Variants in NRCAM observed in about 807,000 individuals in gnomAD.
NRCAM encodes NgCAM-related cell adhesion molecule.
Under a neutral mutation model 156.5 loss-of-function variants are expected in NRCAM, and 83 were observed. The ratio of observed to expected loss-of-function variants is 0.53; its 90% CI spans 0.44 to 0.64. The LOEUF is 0.64. Ranked by LOEUF, NRCAM falls within the 30% of genes least tolerant of loss-of-function variation. The probability of loss-of-function intolerance (pLI) is 0.00; values close to 1 mark genes in which losing one functional copy is unlikely to be tolerated. For missense variants in NRCAM, 1,417 were observed against 1,597.3 expected (o/e 0.89, Z 1.92); for synonymous variants, 538 against 563.9 (o/e 0.95, Z 0.65).
intron 2 of NRCAM, among the ~76,000 whole-genome samples, chr7:108,369,444 T>C (rs1443939825): frequency 3.3e-5 from 5 of 152,256 alleles, no homozygotes; most frequent in South Asian, 2.1e-4. Context: ...CTTTAAAACA[T>C]TTAATCACTT....
At chr7:108,170,782 C>T (rs1050592007) in intron 28 of NRCAM, among the ~76,000 whole-genome samples, 1 of 151,806 alleles carries the variant, frequency 6.6e-6, no homozygotes, top group African/African-American at 2.4e-5. Context: ...TCGGGGTTCA[C>T]ATGTGGAATC....
intron 3 of NRCAM, among the ~76,000 whole-genome samples, chr7:108,268,202 G>A (rs1450176513): frequency 6.6e-6 from 1 of 152,068 alleles, no homozygotes; most frequent in East Asian, 1.9e-4. Flanking sequence ...AAGTGTATTC[G>A]ATTTTGTAGA....
At chr7:108,426,741 T>C (rs1429037863) in intron 1 of NRCAM, among the ~76,000 whole-genome samples, 1 of 152,218 alleles carries the variant, frequency 6.6e-6, no homozygotes, top group Non-Finnish European at 1.5e-5. Context: ...ACTTTGGTAT[T>C]ATTTGTTGTT....
Position 108,278,466 on chromosome 7 carries a change from C to T in NRCAM, c.-107+34199G>A, listed in dbSNP as rs1205137330. On this transcript the variant is annotated intron_variant, in intron 3 of 32. Coordinates refer to ENST00000379028, the MANE Select transcript of NRCAM (RefSeq NM_001037132.4). ...CCAGCTACTCAAGCCTCAGCAACGG[C>T]GGACGCCCCTCCCCGCACCAAGCTC... is the stretch of plus-strand genomic sequence containing the variant. Among the ~76,000 whole-genome samples, 9 of 152,304 alleles carry T rather than the reference C, an allele frequency of 5.9e-5. No individual in the cohort carries two copies. In the South Asian group the frequency reaches 8.3e-4, roughly 14 times the overall value.
At chr7:108,317,920 A>AAG (rs1554503832) in intron 2 of NRCAM, among the ~76,000 whole-genome samples, 2 of 151,596 alleles carry the variant, frequency 1.3e-5, no homozygotes, top group East Asian at 1.9e-4. Context: ...GAAAAAAAAA[A>AAG]AAAGAAAGAA....
At chr7:108,318,219 G>T (rs1324640530) in intron 2 of NRCAM, among the ~76,000 whole-genome samples, 3 of 151,158 alleles carry the variant, frequency 2.0e-5, no homozygotes, top group Admixed American at 2.0e-4. Context: ...CTAATTTTTT[G>T]CATTTTTAGT....
chr7:108,269,821 C>T (rs1469083724), intron 3 of NRCAM, among the ~76,000 whole-genome samples: 3 of 152,142 alleles, frequency 2.0e-5, no homozygotes, highest in Non-Finnish European at 4.4e-5. Context: ...AATATTTCAT[C>T]CTGTAGCTAC....
intron 3 of NRCAM, among the ~76,000 whole-genome samples, chr7:108,279,412 T>C (rs553698147): frequency 6.6e-6 from 1 of 152,326 alleles, no homozygotes; most frequent in East Asian, 1.9e-4. Flanking sequence ...ACAAAATATA[T>C]GCATAAATAC....
intron 13 of NRCAM, among the ~76,000 whole-genome samples, chr7:108,206,950 G>A (rs1313941543): frequency 6.6e-6 from 1 of 152,182 alleles, no homozygotes; most frequent in Non-Finnish European, 1.5e-5. Context: ...AGCTCTCAGG[G>A]AGGGAGCACT....
At chr7:108,216,995 T>C (rs770652128) in intron 11 of NRCAM, among the ~76,000 whole-genome samples, 1 of 152,172 alleles carries the variant, frequency 6.6e-6, no homozygotes, top group Non-Finnish European at 1.5e-5. Context: ...AGAAGAGGCA[T>C]TCTCGTTTTT....
At chr7:108,209,940 A>G (rs1240805442) in intron 11 of NRCAM, among the ~76,000 whole-genome samples, 4 of 152,198 alleles carry the variant, frequency 2.6e-5, no homozygotes, top group Admixed American at 6.5e-5. Flanking sequence ...TGAAGCTACT[A>G]TGTTAATCAA....
At chr7:108,455,337 C>T (rs1855677286) in intron 1 of NRCAM, among the ~76,000 whole-genome samples, 1 of 152,184 alleles carries the variant, frequency 6.6e-6, no homozygotes, top group Admixed American at 6.5e-5. Context: ...AGATGGCGCT[C>T]GCTGCGAGAT....
At chr7:108,342,702 G>A (rs1210785036) in intron 2 of NRCAM, among the ~76,000 whole-genome samples, 2 of 152,216 alleles carry the variant, frequency 1.3e-5, no homozygotes, top group Admixed American at 1.3e-4. Context: ...TGGCATACCT[G>A]AGTAAGGAAA....
chr7:108,309,283 T>C (rs1055123533), intron 3 of NRCAM, among the ~76,000 whole-genome samples: 5 of 152,226 alleles, frequency 3.3e-5, no homozygotes, highest in Admixed American at 1.3e-4. Context: ...AAGATTGTTC[T>C]AGTTTTCCAG....
intron 1 of NRCAM, among the ~76,000 whole-genome samples, chr7:108,425,038 G>A (rs1004059434): frequency 3.3e-5 from 5 of 152,066 alleles, no homozygotes; most frequent in African/African-American, 4.8e-5. Flanking sequence ...TAGTGCCTTA[G>A]GACATTAGAG....
At chr7:108,156,479 C>T in intron 32 of NRCAM, 1 of 951,612 alleles carries the variant, frequency 1.1e-6, no homozygotes, top group Non-Finnish European at 1.3e-6. Flanking sequence ...ACAAAGAAAG[C>T]TGCAGGCTTC....
In NRCAM at chr7:108,158,956, T is replaced by C. The variant is rs977950564; in HGVS notation, c.3677+507A>G. ...ACATTGCCTAGAGGGCTACGACATT[T>C]CTTAATAAGTAACAGCTTGTAAAAC... On this transcript the variant is annotated intron_variant, in intron 32 of 32. Transcript: ENST00000379028. Among the ~76,000 whole-genome samples, 7 of 152,202 alleles carry C rather than the reference T, an allele frequency of 4.6e-5. No individual in the cohort carries two copies. The East Asian group carries it at 1.3e-3, about 29-fold the overall frequency.
rs144614577 is a variant in NRCAM at position 108,363,334 on chromosome 7, T to C, written c.-174+36102A>G. Among the ~76,000 whole-genome samples the C allele has an allele frequency of 7.8e-4, 118 of 152,146 alleles. 2 individuals are homozygous for C. In the East Asian group the frequency reaches 0.02, roughly 26 times the overall value. On this transcript the variant is annotated intron_variant, in intron 2 of 32. Coordinates refer to ENST00000379028, the MANE Select transcript of NRCAM (RefSeq NM_001037132.4). ...TGTTGCTCAGGCTGGAGTGCAGTGG[T>C]GCGCTCATAGTACGACGTTGGCTTC...
At chr7:108,364,160 A>G (rs1234764988) in intron 2 of NRCAM, among the ~76,000 whole-genome samples, 4 of 152,204 alleles carry the variant, frequency 2.6e-5, no homozygotes, top group Non-Finnish European at 4.4e-5. Flanking sequence ...AAATCTATAA[A>G]TGTTCTAAGA....
Sources: allele counts gnomAD v4.1 joint callset (sites outside exome capture counted in the v4.1 genomes callset), GRCh38; gene constraint gnomAD v4.1.1; transcripts MANE v1.5; gene names NCBI Gene and HGNC (gene_info 2026-07-23, HGNC 2026-07-21).